Variants in CD99 observed in about 807,000 individuals in gnomAD.
CD99 encodes CD99 molecule (Xg blood group).
Under a neutral mutation model 28.4 loss-of-function variants are expected in CD99, and 19 were observed. That is an observed-to-expected ratio of 0.67 (90% CI 0.47 to 0.98). The LOEUF (loss-of-function observed/expected upper bound fraction) is 0.98. Ranked by LOEUF, CD99 falls within the 50% of genes least tolerant of loss-of-function variation. The pLI is 0.00. For missense variants in CD99, 283 were observed against 248.8 expected (o/e 1.14, Z -0.92); for synonymous variants, 103 against 92.1 (o/e 1.12, Z -0.67).
At chrX:2,717,312 C>T (rs1189195751) in intron 2 of CD99, 3 of 364,614 alleles carry the variant, frequency 8.2e-6, no homozygotes, top group East Asian at 4.7e-5. Context: ...CACACCATTG[C>T]ACTCCAGCTT....
At chrX:2,735,146 A>G (rs775433105) in intron 8 of CD99, among the ~76,000 whole-genome samples, 2 of 152,330 alleles carry the variant, frequency 1.3e-5, no homozygotes, top group South Asian at 2.1e-4. Flanking sequence ...AACACCGCTT[A>G]AAGATTAGCC....
At chrX:2,711,234 AAT>A (rs1569434382) in intron 1 of CD99, among the ~76,000 whole-genome samples, 1 of 147,562 alleles carries the variant, frequency 6.8e-6, no homozygotes, top group Admixed American at 6.8e-5. Flanking sequence ...ATATATATAT[AAT>A]ATATATATGT....
chrX:2,740,642 GC>G, intron 9 of CD99, 136 bp from the exon 10 acceptor site: 1 of 708,828 alleles, frequency 1.4e-6, no homozygotes, highest in Non-Finnish European at 2.4e-6. Flanking sequence ...TTAGGGTTTT[GC>G]TTTCTCGTGA....
At chrX:2,709,684 G>A (rs867514802) in intron 1 of CD99, among the ~76,000 whole-genome samples, 50 of 109,458 alleles carry the variant, frequency 4.6e-4, no homozygotes, top group East Asian at 3.5e-3. Flanking sequence ...ACATCCACAC[G>A]CGCACATGCA....
Position 2,717,626 on chromosome X carries a change from C to G in CD99, c.122C>G (p.Thr41Ser), listed in dbSNP as rs757825936. 1.2e-6 allele frequency: 2 copies of G among 1,613,746 alleles called. No individual in the cohort carries two copies. The highest frequency in any genetic ancestry group is 1.7e-6 in the Non-Finnish European group (2 of 1,179,654). The change falls in exon 3 of 10, where the codon ACT becomes AGT. Residue 41 changes from threonine (T) to serine (S), a missense_variant. By Grantham distance (58) the Thr-to-Ser change is moderately conservative. Coordinates refer to ENST00000381192, the MANE Select transcript of CD99 (RefSeq NM_002414.5). ...TTAGACAATGAAAACAAGAAACCCA[C>G]TGCAATCCCCAAGAAACCCAGTGCT... Reference protein sequence around the residue: ...ALPDNENKKPTAIPKKPSAGD... With the variant: ...ALPDNENKKPSAIPKKPSAGD...
intron 1 of CD99, among the ~76,000 whole-genome samples, chrX:2,713,529 T>C (rs1289420962): frequency 1.2e-4 from 19 of 152,088 alleles, no homozygotes; most frequent in Admixed American, 1.2e-3. Context: ...TGCCCAAATA[T>C]ACATGCACAC....
chrX:2,694,311 C>T (rs1470376702), intron 1 of CD99, among the ~76,000 whole-genome samples: 1 of 150,638 alleles, frequency 6.6e-6, no homozygotes, highest in Non-Finnish European at 1.5e-5. Flanking sequence ...CTCCAGAGCT[C>T]TTGTCTCCTG....
chrX:2,733,446 T>C, intron 8 of CD99: 1 of 1,500,130 alleles, frequency 6.7e-7, no homozygotes, highest in Non-Finnish European at 9.1e-7. Flanking sequence ...AGACATAGCC[T>C]TAAAGCAAAC....
At chrX:2,701,713 T>A (rs965244768) in intron 1 of CD99, among the ~76,000 whole-genome samples, 19 of 152,210 alleles carry the variant, frequency 1.2e-4, no homozygotes, top group Non-Finnish European at 2.6e-4. Flanking sequence ...GAGTGCAGAT[T>A]TAAGCTCCCC....
At chrX:2,701,907 TA>T (rs1322815160) in intron 1 of CD99, among the ~76,000 whole-genome samples, 5 of 152,216 alleles carry the variant, frequency 3.3e-5, no homozygotes, top group African/African-American at 1.2e-4. Flanking sequence ...TTAAAATCTG[TA>T]ACAGGTCCCT....
At chrX:2,714,300 T>G in intron 1 of CD99, 122 bp from the exon 2 acceptor site, 1 of 750,440 alleles carries the variant, frequency 1.3e-6, no homozygotes, top group Non-Finnish European at 2.2e-6. Context: ...CCTTGTAAAT[T>G]TTTTTAAGTT....
intron 8 of CD99, among the ~76,000 whole-genome samples, chrX:2,729,555 G>A (rs2049482046): frequency 6.6e-6 from 1 of 152,116 alleles, no homozygotes; most frequent in African/African-American, 2.4e-5. Flanking sequence ...GACACATGGG[G>A]ATTATGGGAA....
intron 1 of CD99, among the ~76,000 whole-genome samples, chrX:2,710,315 G>T (rs191482060): frequency 5.3e-5 from 8 of 152,258 alleles, no homozygotes; most frequent in Admixed American, 5.2e-4. Flanking sequence ...TCCGAGTCTC[G>T]TACGCCCTTG....
intron 1 of CD99, chrX:2,691,902 G>T: frequency 1.3e-6 from 1 of 779,380 alleles, no homozygotes. Flanking sequence ...CTGAGACCCG[G>T]GTGGTGGGGG....
chrX:2,695,083 T>G (rs2047510196), intron 1 of CD99, among the ~76,000 whole-genome samples: 1 of 152,190 alleles, frequency 6.6e-6, no homozygotes. Context: ...TGTGCTGGTT[T>G]TCAGTCCTGC....
intron 1 of CD99, among the ~76,000 whole-genome samples, chrX:2,711,448 T>C (rs1387465612): frequency 6.6e-6 from 1 of 150,918 alleles, no homozygotes; most frequent in Non-Finnish European, 1.5e-5. Flanking sequence ...TGTGTATATA[T>C]ATATATGTTT....
chrX:2,702,983 T>G (rs1477790812), intron 1 of CD99, among the ~76,000 whole-genome samples: 2 of 152,058 alleles, frequency 1.3e-5, no homozygotes, highest in East Asian at 3.9e-4. Context: ...GAGACGGGGT[T>G]TCACCGTGTT....
At chrX:2,692,434 A>C (rs1190922619) in intron 1 of CD99, among the ~76,000 whole-genome samples, 1 of 152,250 alleles carries the variant, frequency 6.6e-6, no homozygotes, top group African/African-American at 2.4e-5. Flanking sequence ...TGTTGATAGG[A>C]TCTAGCTCAG....
chrX:2,694,387 T>C (rs1016656489), intron 1 of CD99, among the ~76,000 whole-genome samples: 7 of 151,882 alleles, frequency 4.6e-5, no homozygotes, highest in Admixed American at 4.6e-4. Context: ...GGTTTTATCA[T>C]CCAGCGAGTT....
Sources: gnomAD v4.1 joint callset for allele counts (sites outside exome capture counted in the v4.1 genomes callset) on GRCh38, gnomAD v4.1.1 for gene constraint, MANE v1.5 for transcripts, NCBI Gene and HGNC (gene_info 2026-07-23, HGNC 2026-07-21) for gene names.